Variants in TRIM42 observed in about 807,000 individuals in gnomAD.
TRIM42 encodes the protein tripartite motif containing 42, also known as tripartite motif-containing protein 42.
A neutral mutation model predicts 64.9 loss-of-function variants in TRIM42; 59 were observed. The ratio of observed to expected loss-of-function variants is 0.91; its 90% CI spans 0.74 to 1.13. The LOEUF is 1.13. TRIM42 is among the 50% of genes most tolerant of loss of function. TRIM42 has a pLI of 0.00. For synonymous variants in TRIM42, 354 were observed against 346.3 expected, an observed-to-expected ratio of 1.02 and a Z score of -0.25; for missense variants, 878 against 929.5, an observed-to-expected ratio of 0.94 and a Z score of 0.72.
rs1553763786 is a variant in TRIM42 at position 140,692,530 on chromosome 3, T to TACACACACACACACACACACAC, written c.2085+1350_2085+1371dup. Among the ~76,000 whole-genome samples, 676 of 108,252 alleles carry TACACACACACACACACACACAC rather than the reference T, an allele frequency of 6.2e-3. 12 individuals are homozygous for TACACACACACACACACACACAC. The highest frequency in any genetic ancestry group is 0.013 in the East Asian group (47 of 3,720). The allele number at this position is 108,252 out of a possible 152,430, so 71.0% of individuals were successfully genotyped here. A position where few individuals can be genotyped will look rare whatever the true frequency, so the allele number is the denominator to read the frequency against. On this transcript the variant is annotated intron_variant, in intron 4 of 4. Coordinates refer to ENST00000286349, the MANE Select transcript of TRIM42 (RefSeq NM_152616.5). The stretch of plus-strand genomic sequence containing the variant: ...CCATGGACACACACACACATACACA[T>TACACACACACACACACACACAC]ACACACACACACACACACACACACA...
At chr3:140,681,203 A>C (rs557284823) in intron 1 of TRIM42, among the ~76,000 whole-genome samples, 1 of 152,342 alleles carries the variant, frequency 6.6e-6, no homozygotes, top group Non-Finnish European at 1.5e-5. Flanking sequence ...ACATAAATGA[A>C]ACAGTGGAAG....
intron 1 of TRIM42, 41 bp downstream of exon 1, chr3:140,678,611 G>T: frequency 6.5e-7 from 1 of 1,533,782 alleles, no homozygotes; most frequent in South Asian, 1.2e-5. Flanking sequence ...ATTGGGTCAT[G>T]AAAACTAGGG....
At chr3:140,693,357 C>G (rs1988770139) in intron 4 of TRIM42, among the ~76,000 whole-genome samples, 1 of 152,162 alleles carries the variant, frequency 6.6e-6, no homozygotes, top group Non-Finnish European at 1.5e-5. Context: ...GAGCAGAGCC[C>G]TAATTAATGA....
rs369191491 is a variant in TRIM42 at position 140,687,704 on chromosome 3, A to G, written c.1040-18A>G. On this transcript the variant is annotated intron_variant, in intron 2 of 4. Coordinates refer to ENST00000286349, the MANE Select transcript of TRIM42 (RefSeq NM_152616.5). ...GGAGATGAAAATTTTAAAAGTAACTAACTTGGCATTTTTGCAGTCCGATAT... is the reference window on the plus strand; with the variant it reads ...GGAGATGAAAATTTTAAAAGTAACTGACTTGGCATTTTTGCAGTCCGATAT... 2 of 1,579,494 alleles carry G rather than the reference A, an allele frequency of 1.3e-6. No individual in the cohort carries two copies. The highest frequency in any genetic ancestry group is 1.8e-5 in the Admixed American group (1 of 54,902).
At chr3:140,696,286 TCTTA>T (rs1277520573) in intron 4 of TRIM42, among the ~76,000 whole-genome samples, 1 of 152,254 alleles carries the variant, frequency 6.6e-6, no homozygotes, top group Admixed American at 6.5e-5. Flanking sequence ...GTGTTACATA[TCTTA>T]CTTTGTTTCT....
chr3:140,691,285 A>G, intron 4 of TRIM42, 93 bp downstream of exon 4: 3 of 1,041,816 alleles, frequency 2.9e-6, no homozygotes, highest in Non-Finnish European at 4.4e-6. Context: ...TATAGAACTC[A>G]CTATGGGACT....
At position 140,687,614 on chromosome 3, in the gene TRIM42, T is replaced by C. The variant is rs190909093; in HGVS notation, c.1040-108T>C. 7.5e-4 allele frequency: 614 copies of C among 815,708 alleles called. 3 individuals carry two copies. Among genetic ancestry groups the C allele is most frequent in the Admixed American group, 3.1e-3 (108 of 34,926 alleles). 50.5% of individuals were successfully genotyped at this position (815,708 alleles called of 1,614,324 possible). ...CCCAACTACAAGTGCCTTCCCTCCC[T>C]CTTCATTCACCTCCTTGGAGCCTAG... On this transcript the variant is annotated intron_variant, in intron 2 of 4. Coordinates refer to ENST00000286349, the MANE Select transcript of TRIM42 (RefSeq NM_152616.5).
chr3:140,695,078 C>T lies in TRIM42; in HGVS notation c.2085+3886C>T, dbSNP rs540638432. The stretch of plus-strand genomic sequence containing the variant: ...TGGGCAACATGGCAAAATCCTGTCT[C>T]TACTAAAAATTAAAAAAAAGTCAGC... On this transcript the variant is annotated intron_variant, in intron 4 of 4. Coordinates refer to ENST00000286349, the MANE Select transcript of TRIM42 (RefSeq NM_152616.5). Among the ~76,000 whole-genome samples the T allele has an allele frequency of 2.6e-5, 4 of 152,064 alleles. No homozygotes were observed. In the East Asian group the frequency reaches 7.7e-4, roughly 29 times the overall value.
chr3:140,679,511 A>T (rs1187431388), intron 1 of TRIM42, among the ~76,000 whole-genome samples: 1 of 152,230 alleles, frequency 6.6e-6, no homozygotes, highest in African/African-American at 2.4e-5. Context: ...TGGAAAAGCA[A>T]TTCTGTGAGC....
chr3:140,700,809 G>A, intron 4 of TRIM42, 79 bp from the exon 5 acceptor site: 3 of 1,267,042 alleles, frequency 2.4e-6, no homozygotes, highest in Non-Finnish European at 3.4e-6. Flanking sequence ...GATGTGTGTA[G>A]TGTCTGACAT....
chr3:140,678,237 C>A lies in TRIM42; in HGVS notation c.8C>A (p.Thr3Asn). Residue 3 changes from threonine to asparagine, a missense_variant, in exon 1 of 5, where the codon ACT (threonine) becomes AAT (asparagine). Coordinates refer to ENST00000286349, the MANE Select transcript of TRIM42 (RefSeq NM_152616.5). ...GGTAATCATGTAGGCACCATGGAAA[C>A]TGCTATGTGCGTTTGCTGTCCATGT... Reference protein sequence around the residue: METAMCVCCPCCT... With the variant: MENAMCVCCPCCT... The A allele has an allele frequency of 6.2e-7, 1 of 1,613,138 alleles. No homozygotes were observed. The highest frequency in any genetic ancestry group is 8.5e-7 in the Non-Finnish European group (1 of 1,179,126).
Position 140,678,337 on chromosome 3 carries a change from C to T in TRIM42, c.108C>T (p.Asn36=), listed in dbSNP as rs377609285. Residue 36 remains asparagine (N), a synonymous_variant, in exon 1 of 5, where the codon AAC becomes AAT. Transcript: ENST00000286349. The stretch of plus-strand genomic sequence containing the variant: ...AGTTCATCTTCACCTCAGAGCGGAA[C>T]TGCACCTGCTTCCCCTGCCCTTACA... The part of the protein sequence containing the change: ...CCKFIFTSER[N]CTCFPCPYKD... 18 of 1,614,134 alleles carry T rather than the reference C, an allele frequency of 1.1e-5. No homozygotes were observed. The highest frequency in any genetic ancestry group is 1.5e-5 in the Non-Finnish European group (18 of 1,180,048).
intron 1 of TRIM42, among the ~76,000 whole-genome samples, chr3:140,679,260 T>C (rs1435634630): frequency 2.0e-5 from 3 of 152,180 alleles, no homozygotes. Context: ...ACTACCTTCT[T>C]TTTCCCATCC....
At chr3:140,698,223 TG>T (rs1221540524) in intron 4 of TRIM42, among the ~76,000 whole-genome samples, 1 of 152,256 alleles carries the variant, frequency 6.6e-6, no homozygotes, top group African/African-American at 2.4e-5. Flanking sequence ...ATATACATTT[TG>T]GAGTAACTTG....
intron 2 of TRIM42, 125 bp from the exon 3 acceptor site, chr3:140,687,597 C>A: frequency 1.4e-6 from 1 of 699,368 alleles, no homozygotes; most frequent in Non-Finnish European, 2.4e-6. Flanking sequence ...AGCCCAACTA[C>A]AAGTGCCTTC....
chr3:140,697,773 T>G (rs1988891885), intron 4 of TRIM42, among the ~76,000 whole-genome samples: 1 of 152,236 alleles, frequency 6.6e-6, no homozygotes, highest in Non-Finnish European at 1.5e-5. Context: ...AAGCTCCGCC[T>G]CCTGGGTTCA....
chr3:140,695,201 T>C (rs1988817555), intron 4 of TRIM42, among the ~76,000 whole-genome samples: 1 of 152,036 alleles, frequency 6.6e-6, no homozygotes, highest in Non-Finnish European at 1.5e-5. Flanking sequence ...TGGGCCAAGA[T>C]CAAGCCACTG....
chr3:140,684,834 A>G (rs757671037), intron 2 of TRIM42, among the ~76,000 whole-genome samples: 20 of 152,174 alleles, frequency 1.3e-4, no homozygotes, highest in Non-Finnish European at 2.9e-4. Context: ...GGTCCTCAGC[A>G]TGGTGAAGGC....
At chr3:140,696,412 CAT>C (rs1282337700) in intron 4 of TRIM42, among the ~76,000 whole-genome samples, 3 of 152,302 alleles carry the variant, frequency 2.0e-5, no homozygotes, top group East Asian at 3.9e-4. Context: ...TTGTTCACCA[CAT>C]GTTACCTGTC....
Sources: allele counts gnomAD v4.1 joint callset (sites outside exome capture counted in the v4.1 genomes callset), GRCh38; gene constraint gnomAD v4.1.1; transcripts MANE v1.5; gene names NCBI Gene and HGNC (gene_info 2026-07-23, HGNC 2026-07-21).